Variants in ENTREP2 observed in about 807,000 individuals in gnomAD.
The protein encoded by ENTREP2 is protein ENTREP2.
At chr15:29,453,828 T>C in the ENTREP2 span, among the ~76,000 whole-genome samples, 827 of 152,296 alleles carry the variant, frequency 5.4e-3, 11 homozygotes, top group African/African-American at 0.019. Context: ...TGAATATTCT[T>C]TGAAAGCACG....
the ENTREP2 span, among the ~76,000 whole-genome samples, chr15:29,496,597 C>G: frequency 3.3e-5 from 5 of 151,968 alleles, no homozygotes; most frequent in South Asian, 6.2e-4. Flanking sequence ...ATTTCTATAC[C>G]TAAATTTGTT....
chr15:29,661,445 C>T, the ENTREP2 span, among the ~76,000 whole-genome samples: 48 of 152,196 alleles, frequency 3.2e-4, no homozygotes, highest in South Asian at 6.7e-3. Flanking sequence ...GTGATCTGCC[C>T]GCCTCGGCCT....
At chr15:29,562,944 C>A in the ENTREP2 span, among the ~76,000 whole-genome samples, 3 of 152,088 alleles carry the variant, frequency 2.0e-5, no homozygotes, top group Non-Finnish European at 4.4e-5. Flanking sequence ...CTGTGTGCCA[C>A]CATGCCCAGC....
chr15:29,250,255 T>C, the ENTREP2 span, among the ~76,000 whole-genome samples: 1 of 152,278 alleles, frequency 6.6e-6, no homozygotes, highest in Admixed American at 6.5e-5. Context: ...CTGCACACAT[T>C]GCCCCCAAGC....
chr15:29,323,119 T>C, the ENTREP2 span, among the ~76,000 whole-genome samples: 1 of 152,156 alleles, frequency 6.6e-6, no homozygotes, highest in Non-Finnish European at 1.5e-5. Flanking sequence ...TGGCAAACAA[T>C]TCCTAAAATC....
chr15:29,417,135 C>G, the ENTREP2 span, among the ~76,000 whole-genome samples: 1 of 152,150 alleles, frequency 6.6e-6, no homozygotes, highest in Non-Finnish European at 1.5e-5. Flanking sequence ...CCCAGCCATC[C>G]CATTACTGGG....
the ENTREP2 span, among the ~76,000 whole-genome samples, chr15:29,349,164 C>T: frequency 8.5e-5 from 13 of 152,162 alleles, no homozygotes; most frequent in Admixed American, 6.5e-4. Context: ...CCTGCAAAAC[C>T]AGCTCCCATC....
At chr15:29,647,003 G>T in the ENTREP2 span, among the ~76,000 whole-genome samples, 2 of 152,198 alleles carry the variant, frequency 1.3e-5, no homozygotes, top group South Asian at 2.1e-4. Context: ...GTGGTTTCAT[G>T]CCTCTCCACC....
At chr15:29,624,002 T>G in the ENTREP2 span, among the ~76,000 whole-genome samples, 2 of 152,166 alleles carry the variant, frequency 1.3e-5, no homozygotes, top group African/African-American at 4.8e-5. Context: ...CCTCCCAAAG[T>G]GCTGGGATTA....
the ENTREP2 span, among the ~76,000 whole-genome samples, chr15:29,203,178 G>A: frequency 1.1e-3 from 172 of 152,306 alleles, 2 homozygotes; most frequent in African/African-American, 4.0e-3. Context: ...CGAGGCAGGC[G>A]GATCACGAGG....
the ENTREP2 span, among the ~76,000 whole-genome samples, chr15:29,431,505 TAC>T: frequency 1.3e-5 from 2 of 152,064 alleles, no homozygotes; most frequent in South Asian, 4.1e-4. Context: ...GGAGACATTT[TAC>T]AGACATGCTT....
At chr15:29,424,130 A>G in the ENTREP2 span, among the ~76,000 whole-genome samples, 1 of 152,180 alleles carries the variant, frequency 6.6e-6, no homozygotes, top group East Asian at 1.9e-4. Flanking sequence ...AGGAAGCTGC[A>G]AACCCTCAAT....
the ENTREP2 span, among the ~76,000 whole-genome samples, chr15:29,463,753 C>G: frequency 6.6e-6 from 1 of 152,228 alleles, no homozygotes; most frequent in African/African-American, 2.4e-5. Context: ...GATATCTGTG[C>G]ACCTATGTTC....
At chr15:29,377,867 A>AAT in the ENTREP2 span, among the ~76,000 whole-genome samples, 1 of 145,894 alleles carries the variant, frequency 6.9e-6, no homozygotes, top group Non-Finnish European at 1.5e-5. Flanking sequence ...AATAATAAAA[A>AAT]AATGAGCCAC....
At chr15:29,124,890 C>T in the ENTREP2 span, 1 of 833,500 alleles carries the variant, frequency 1.2e-6, no homozygotes, top group South Asian at 1.6e-5. Context: ...TGAGCTGACA[C>T]CCACCGAGCG....
At chr15:29,366,244 T>C in the ENTREP2 span, among the ~76,000 whole-genome samples, 1 of 152,074 alleles carries the variant, frequency 6.6e-6, no homozygotes, top group Non-Finnish European at 1.5e-5. Flanking sequence ...TGGCTAATTT[T>C]TTGTATTTTT....
chr15:29,321,455 C>A, the ENTREP2 span, among the ~76,000 whole-genome samples: 1 of 152,014 alleles, frequency 6.6e-6, no homozygotes, highest in African/African-American at 2.4e-5. Context: ...CGAGACCAGC[C>A]TGGCCAAGAT....
chr15:29,183,455 G>A, the ENTREP2 span, among the ~76,000 whole-genome samples: 1 of 152,158 alleles, frequency 6.6e-6, no homozygotes. Flanking sequence ...AATGCAGCAG[G>A]TGCACACACG....
At chr15:29,284,588 C>A in the ENTREP2 span, among the ~76,000 whole-genome samples, 350 of 148,734 alleles carry the variant, frequency 2.4e-3, no homozygotes, top group African/African-American at 8.5e-3. Flanking sequence ...AAATAAATAA[C>A]CAGTCTAATA....
Sources: gnomAD v4.1 joint callset for allele counts (sites outside exome capture counted in the v4.1 genomes callset) on GRCh38, gnomAD v4.1.1 for gene constraint, MANE v1.5 for transcripts, NCBI Gene and HGNC (gene_info 2026-07-23, HGNC 2026-07-21) for gene names.